Variants in LYPLAL1 observed in about 807,000 individuals in gnomAD.
LYPLAL1 encodes the protein lysophospholipase-like protein 1.
LYPLAL1 carries 23 observed loss-of-function variants against 19.7 expected under a neutral mutation model. That is an observed-to-expected ratio of 1.17 (90% CI 0.84 to 1.65). LYPLAL1 has a LOEUF of 1.65. Among genes scored for constraint, LYPLAL1 ranks in the 40% most tolerant of loss-of-function variants. LYPLAL1 has a pLI of 0.00. For synonymous variants in LYPLAL1, 119 were observed against 96.3 expected (o/e 1.24, Z -1.38); for missense variants, 355 against 279.4 (o/e 1.27, Z -1.93).
At chr1:219,439,968 T>C in the LYPLAL1 span, among the ~76,000 whole-genome samples, 5 of 123,672 alleles carry the variant, frequency 4.0e-5, no homozygotes, top group East Asian at 1.1e-3. Context: ...ACTATATATA[T>C]ATATACATAT....
chr1:219,380,835 C>G, the LYPLAL1 span, among the ~76,000 whole-genome samples: 1 of 152,264 alleles, frequency 6.6e-6, no homozygotes, highest in South Asian at 2.1e-4. Flanking sequence ...AAATACTCGG[C>G]CCTGTTGGTC....
chr1:219,429,223 T>A, the LYPLAL1 span, among the ~76,000 whole-genome samples: 2 of 152,208 alleles, frequency 1.3e-5, no homozygotes, highest in Non-Finnish European at 2.9e-5. Flanking sequence ...GGAGGCAGTA[T>A]GTAGCCAGCT....
the LYPLAL1 span, among the ~76,000 whole-genome samples, chr1:219,402,643 C>CAA: frequency 1.3e-3 from 129 of 101,622 alleles, no homozygotes; most frequent in Admixed American, 2.6e-3. Context: ...TACCAGAAAC[C>CAA]AAAAAAAAAA....
chr1:219,242,390 C>A, the LYPLAL1 span, among the ~76,000 whole-genome samples: 1 of 152,162 alleles, frequency 6.6e-6, no homozygotes, highest in Non-Finnish European at 1.5e-5. Context: ...AAGAACCTAG[C>A]AGAGAACAGG....
chr1:219,219,269 G>A, the LYPLAL1 span, among the ~76,000 whole-genome samples: 2 of 152,086 alleles, frequency 1.3e-5, no homozygotes, highest in Non-Finnish European at 2.9e-5. Context: ...TAACAAATCA[G>A]TTTTCTCTCC....
At chr1:219,192,153 C>T (rs1439430962) in intron 2 of LYPLAL1, among the ~76,000 whole-genome samples, 1 of 151,694 alleles carries the variant, frequency 6.6e-6, no homozygotes, top group African/African-American at 2.4e-5. Flanking sequence ...TTTCTAGCTC[C>T]TTGAATATGC....
chr1:219,433,499 T>G, the LYPLAL1 span, among the ~76,000 whole-genome samples: 2 of 152,168 alleles, frequency 1.3e-5, no homozygotes, highest in African/African-American at 4.8e-5. Context: ...TTCCAGAAAA[T>G]CATACTGTGT....
chr1:219,292,050 G>A, the LYPLAL1 span, among the ~76,000 whole-genome samples: 4 of 152,136 alleles, frequency 2.6e-5, no homozygotes, highest in African/African-American at 9.7e-5. Context: ...GGTGTGCAGT[G>A]GGGGCCCACA....
At chr1:219,385,429 C>T in the LYPLAL1 span, among the ~76,000 whole-genome samples, 1 of 152,098 alleles carries the variant, frequency 6.6e-6, no homozygotes, top group African/African-American at 2.4e-5. Context: ...AAATAGTTGG[C>T]CTATCCTTGA....
chr1:219,398,817 G>A, the LYPLAL1 span, among the ~76,000 whole-genome samples: 1 of 152,124 alleles, frequency 6.6e-6, no homozygotes, highest in African/African-American at 2.4e-5. Flanking sequence ...ATTTTAGGGG[G>A]CCAGTGCTGA....
the LYPLAL1 span, among the ~76,000 whole-genome samples, chr1:219,435,762 G>C: frequency 6.6e-6 from 1 of 151,922 alleles, no homozygotes; most frequent in South Asian, 2.1e-4. Flanking sequence ...GGAGGTGGAG[G>C]TTGCAGTGAG....
chr1:219,336,536 A>G, the LYPLAL1 span, among the ~76,000 whole-genome samples: 2 of 151,940 alleles, frequency 1.3e-5, no homozygotes, highest in African/African-American at 4.8e-5. Flanking sequence ...TGCCATTGGG[A>G]ACACTGCAAC....
chr1:219,199,344 G>A lies in LYPLAL1; in HGVS notation c.361+6093G>A, dbSNP rs139618742. On this transcript the variant is annotated intron_variant, in intron 3 of 4. Transcript: ENST00000366928. ...TTCAATCAATTTTAATATTATTTAAGTGTATGGTAAAAAATTTTATAACAC... is the reference window on the plus strand; with the variant it reads ...TTCAATCAATTTTAATATTATTTAAATGTATGGTAAAAAATTTTATAACAC... Among the ~76,000 whole-genome samples the A allele has an allele frequency of 3.2e-3, 482 of 152,122 alleles. 10 individuals carry two copies. In the East Asian group the frequency reaches 0.048, roughly 15 times the overall value.
chr1:219,303,254 C>T, the LYPLAL1 span, among the ~76,000 whole-genome samples: 1 of 152,190 alleles, frequency 6.6e-6, no homozygotes, highest in African/African-American at 2.4e-5. Context: ...AGGCACTGAT[C>T]TAGTTACTCA....
the LYPLAL1 span, among the ~76,000 whole-genome samples, chr1:219,290,953 A>G: frequency 6.6e-6 from 1 of 152,212 alleles, no homozygotes; most frequent in Non-Finnish European, 1.5e-5. Context: ...ACCTGAGATC[A>G]AATCCTATAT....
the LYPLAL1 span, among the ~76,000 whole-genome samples, chr1:219,318,540 G>A: frequency 0.048 from 7,296 of 152,198 alleles, 251 homozygotes; most frequent in East Asian, 0.16. Context: ...TACCTAGGAT[G>A]TACTTAATAA....
At chr1:219,254,097 C>G in the LYPLAL1 span, among the ~76,000 whole-genome samples, 1 of 151,940 alleles carries the variant, frequency 6.6e-6, no homozygotes, top group Non-Finnish European at 1.5e-5. Flanking sequence ...ATTAAGATCG[C>G]AACCCCTGCT....
At chr1:219,343,527 A>C in the LYPLAL1 span, among the ~76,000 whole-genome samples, 1 of 152,176 alleles carries the variant, frequency 6.6e-6, no homozygotes, top group African/African-American at 2.4e-5. Flanking sequence ...AATTTATGGT[A>C]ATAGCTCAAT....
At chr1:219,404,885 G>C in the LYPLAL1 span, among the ~76,000 whole-genome samples, 1 of 152,126 alleles carries the variant, frequency 6.6e-6, no homozygotes, top group Non-Finnish European at 1.5e-5. Context: ...AGTCATCTTT[G>C]ACACCACGTC....
Sources: allele counts gnomAD v4.1 joint callset (sites outside exome capture counted in the v4.1 genomes callset), GRCh38; gene constraint gnomAD v4.1.1; transcripts MANE v1.5; gene names NCBI Gene and HGNC (gene_info 2026-07-23, HGNC 2026-07-21).